SLC4A4: variants seen among roughly 807,000 people sequenced by gnomAD.
The protein encoded by SLC4A4 is electrogenic sodium bicarbonate cotransporter 1.
In SLC4A4, 27 loss-of-function variants were observed where a neutral mutation model predicts 111.5. The ratio of observed to expected loss-of-function variants is 0.24; its 90% CI spans 0.18 to 0.33. The LOEUF (loss-of-function observed/expected upper bound fraction) is 0.33. Among genes scored for constraint, SLC4A4 ranks in the 10% least tolerant of loss-of-function variants. The pLI, the probability that SLC4A4 is intolerant of heterozygous loss-of-function variation, is 1.00. For missense variants in SLC4A4, 909 were observed against 1,315.5 expected, an observed-to-expected ratio of 0.69 and a Z score of 4.78; for synonymous variants, 443 against 463.4, an observed-to-expected ratio of 0.96 and a Z score of 0.57.
intron 1 of SLC4A4, among the ~76,000 whole-genome samples, chr4:71,202,513 A>G (rs561598404): frequency 3.3e-5 from 5 of 152,190 alleles, no homozygotes; most frequent in African/African-American, 1.2e-4. Flanking sequence ...GCCACAAAAC[A>G]CTCTTTTAAA....
chr4:71,301,062 C>A, intron 3 of SLC4A4: 3 of 396,078 alleles, frequency 7.6e-6, no homozygotes, highest in South Asian at 6.2e-5. Context: ...GTAGCTTGGT[C>A]AACTCAGCTC....
chr4:71,222,546 C>G (rs1718810074), intron 1 of SLC4A4, among the ~76,000 whole-genome samples: 1 of 152,104 alleles, frequency 6.6e-6, no homozygotes, highest in Admixed American at 6.5e-5. Flanking sequence ...TAGAATAATG[C>G]CTAGTCATAG....
At chr4:71,156,364 GCA>G (rs989169208) in intron 2 of SLC4A4, among the ~76,000 whole-genome samples, 1 of 152,038 alleles carries the variant, frequency 6.6e-6, no homozygotes, top group African/African-American at 2.4e-5. Context: ...TTCACTCTGT[GCA>G]CAGTTATGTG....
intron 3 of SLC4A4, among the ~76,000 whole-genome samples, chr4:71,264,005 G>T (rs1025700321): frequency 1.3e-5 from 2 of 152,090 alleles, no homozygotes; most frequent in African/African-American, 4.8e-5. Context: ...GCATAAAAGA[G>T]GTTACTTATG....
intron 2 of SLC4A4, among the ~76,000 whole-genome samples, chr4:71,163,906 A>G (rs1744669985): frequency 6.6e-6 from 1 of 152,252 alleles, no homozygotes; most frequent in Non-Finnish European, 1.5e-5. Flanking sequence ...TATTAAGTAT[A>G]CACTCATGAA....
chr4:71,095,983 G>GAGGGTAAAGTGGAGAGA (rs1742534582), intron 2 of SLC4A4, among the ~76,000 whole-genome samples: 2 of 152,178 alleles, frequency 1.3e-5, no homozygotes. Context: ...TGAGCAATTG[G>GAGGGTAAAGTGGAGAGA]AGGGTAAAGT....
intron 13 of SLC4A4, among the ~76,000 whole-genome samples, chr4:71,469,370 A>ATT (rs1267867986): frequency 6.6e-6 from 1 of 151,672 alleles, no homozygotes; most frequent in African/African-American, 2.4e-5. Flanking sequence ...TACCGGATGT[A>ATT]TTTTTTTAGG....
At chr4:71,332,336 C>T (rs112257860) in intron 3 of SLC4A4, among the ~76,000 whole-genome samples, 4 of 152,156 alleles carry the variant, frequency 2.6e-5, no homozygotes, top group Non-Finnish European at 5.9e-5. Context: ...ATCTTTCTCT[C>T]CCTTCTCTTT....
chr4:71,153,557 A>C (rs1744373106), intron 2 of SLC4A4, among the ~76,000 whole-genome samples: 1 of 152,130 alleles, frequency 6.6e-6, no homozygotes, highest in Non-Finnish European at 1.5e-5. Flanking sequence ...TCATCAGTAA[A>C]ATGAAGGGTT....
At chr4:71,144,350 C>T (rs1282742941) in intron 2 of SLC4A4, among the ~76,000 whole-genome samples, 1 of 152,170 alleles carries the variant, frequency 6.6e-6, no homozygotes, top group Non-Finnish European at 1.5e-5. Context: ...GTTACTGTAG[C>T]CTTGTAGTAT....
At chr4:71,182,548 A>C (rs79685914), upstream of SLC4A4, among the ~76,000 whole-genome samples, 437 of 152,258 alleles carry the variant, frequency 2.9e-3, 2 homozygotes, top group African/African-American at 0.01. Context: ...GGAACAGCTG[A>C]ATCCGCATGA....
chr4:71,286,646 C>A lies in SLC4A4; in HGVS notation c.253+31247C>A, dbSNP rs533992423. On this transcript the variant is annotated intron_variant, in intron 3 of 25. Coordinates refer to ENST00000264485, the MANE Select transcript of SLC4A4 (RefSeq NM_001098484.3). The stretch of plus-strand genomic sequence containing the variant: ...TGCCTCCTATTTGTGTATAGCTATA[C>A]CATTAAACAGTATTTTCACTTAGTT... 1.0e-3 allele frequency among the ~76,000 whole-genome samples: 157 copies of A among 152,256 alleles called. 4 individuals carry two copies. In the South Asian group the frequency reaches 0.032, roughly 31 times the overall value.
intron 6 of SLC4A4, among the ~76,000 whole-genome samples, chr4:71,359,188 T>A (rs1180794489): frequency 1.3e-5 from 2 of 152,224 alleles, no homozygotes; most frequent in Non-Finnish European, 2.9e-5. Context: ...CGCCATTCAA[T>A]CTTTCATCCT....
intron 1 of SLC4A4, among the ~76,000 whole-genome samples, chr4:71,089,071 A>G (rs1466481975): frequency 6.6e-6 from 1 of 152,066 alleles, no homozygotes; most frequent in Admixed American, 6.5e-5. Flanking sequence ...CTTTTCACAT[A>G]GTCCCATATT....
At chr4:71,238,830 T>C (rs1465435826) in intron 2 of SLC4A4, among the ~76,000 whole-genome samples, 10 of 151,842 alleles carry the variant, frequency 6.6e-5, no homozygotes, top group Admixed American at 6.6e-4. Context: ...GGGTGGGAGG[T>C]CTTAGATTTT....
chr4:71,250,390 A>G (rs897089427), intron 2 of SLC4A4, among the ~76,000 whole-genome samples: 1 of 152,178 alleles, frequency 6.6e-6, no homozygotes, highest in Non-Finnish European at 1.5e-5. Context: ...GAGTGTGGCT[A>G]TAAATCAAAT....
intron 3 of SLC4A4, among the ~76,000 whole-genome samples, chr4:71,309,256 C>T (rs1254588889): frequency 6.6e-6 from 1 of 152,196 alleles, no homozygotes; most frequent in African/African-American, 2.4e-5. Flanking sequence ...GGCAGAGCAC[C>T]TGGGAGAAGG....
chr4:71,184,498 G>A (rs1294897666), upstream of SLC4A4, among the ~76,000 whole-genome samples: 2 of 152,126 alleles, frequency 1.3e-5, no homozygotes, highest in Non-Finnish European at 2.9e-5. Flanking sequence ...GCTAAGTACT[G>A]GGCTGGTATT....
chr4:71,116,946 A>G, intron 2 of SLC4A4, among the ~76,000 whole-genome samples: 1 of 144,092 alleles, frequency 6.9e-6, no homozygotes, highest in South Asian at 2.1e-4. Context: ...TCCATCTCAA[A>G]AAAAAAAAAA....
Sources: gnomAD v4.1 joint callset for allele counts (sites outside exome capture counted in the v4.1 genomes callset) on GRCh38, gnomAD v4.1.1 for gene constraint, MANE v1.5 for transcripts, NCBI Gene and HGNC (gene_info 2026-07-23, HGNC 2026-07-21) for gene names.